Variants in DNAH10 observed in about 807,000 individuals in gnomAD.
DNAH10 encodes the protein dynein axonemal heavy chain 10, also known as axonemal beta dynein heavy chain 10.
Under a neutral mutation model 506.6 loss-of-function variants are expected in DNAH10, and 348 were observed. That is an observed-to-expected ratio of 0.69 (90% CI 0.63 to 0.75). DNAH10 has a LOEUF of 0.75. Among genes scored for constraint, DNAH10 ranks in the 30% least tolerant of loss-of-function variants. The pLI is 0.00. For missense variants in DNAH10, 5,179 were observed against 5,787.1 expected (o/e 0.89, Z 3.41); for synonymous variants, 2,059 against 2,198.6 (o/e 0.94, Z 1.78).
chr12:123,812,086 T>A (rs1463642853), intron 19 of DNAH10, among the ~76,000 whole-genome samples: 2 of 152,220 alleles, frequency 1.3e-5, no homozygotes, highest in African/African-American at 2.4e-5. Flanking sequence ...ATTTTACAGA[T>A]GGTGAGCATA....
intron 57 of DNAH10, among the ~76,000 whole-genome samples, chr12:123,906,302 C>T (rs1397652204): frequency 6.6e-6 from 1 of 151,584 alleles, no homozygotes; most frequent in Non-Finnish European, 1.5e-5. Context: ...AGTGCAGTGG[C>T]GCGATCTCGG....
chr12:123,823,332 G>A (rs182069460), intron 24 of DNAH10, among the ~76,000 whole-genome samples: 12 of 152,308 alleles, frequency 7.9e-5, no homozygotes, highest in East Asian at 7.7e-4. Context: ...AGATGAAGCC[G>A]TGAGAAGGGA....
chr12:123,867,382 C>A, intron 41 of DNAH10, 85 bp from the exon 42 acceptor site: 2 of 1,450,970 alleles, frequency 1.4e-6, no homozygotes, highest in South Asian at 1.4e-5. Context: ...GTTGCTCAAC[C>A]CTCTTTGGGC....
chr12:123,783,228 C>T lies in DNAH10; in HGVS notation c.963C>T (p.Ser321=). The change falls in exon 7 of 79, where the codon TCC becomes TCT. Residue 321 remains serine (S), a synonymous_variant. Coordinates refer to ENST00000673944, the MANE Select transcript of DNAH10 (RefSeq NM_001372106.1). Reference sequence around the variant, plus strand: ...TGATAAACTGGCTGAATCAGATATCCACAGCGGTTGAGGCCCAACTGAAGA... The same window carrying T: ...TGATAAACTGGCTGAATCAGATATCTACAGCGGTTGAGGCCCAACTGAAGA... ...QCVINWLNQI[S]TAVEAQLKKT... The T allele has an allele frequency of 6.2e-7, 1 of 1,614,182 alleles. No individual in the cohort carries two copies. Among genetic ancestry groups the T allele is most frequent in the Non-Finnish European group, 8.5e-7 (1 of 1,180,038 alleles).
chr12:123,781,040 A>G (rs779238706), intron 5 of DNAH10, 40 bp from the exon 6 acceptor site: 1 of 1,490,638 alleles, frequency 6.7e-7, no homozygotes, highest in Admixed American at 2.1e-5. Context: ...ATTATTGAAA[A>G]TGACTTCATA....
At chr12:123,908,238 C>T (rs1953899917) in intron 57 of DNAH10, 1 of 428,412 alleles carries the variant, frequency 2.3e-6, no homozygotes, top group Admixed American at 2.4e-5. Flanking sequence ...CTGTCTCCTC[C>T]CTGTCTCTCT....
At chr12:123,893,191 C>T (rs1393361065) in intron 52 of DNAH10, 42 bp from the exon 53 acceptor site, 3 of 1,593,540 alleles carry the variant, frequency 1.9e-6, no homozygotes, top group Non-Finnish European at 2.6e-6. Context: ...CGGTCATGAC[C>T]CTGGGACTCA....
rs1450335067 is a variant in DNAH10 at position 123,835,399 on chromosome 12, T to G, written c.4780-7T>G. On this transcript the variant is annotated splice_region_variant and splice_polypyrimidine_tract_variant and intron_variant, in intron 27 of 78. Coordinates refer to ENST00000673944, the MANE Select transcript of DNAH10 (RefSeq NM_001372106.1). ...CCTGCTGACACTGACCTTTTGTACA[T>G]TTACAGATTTGGATGTTGGTTCAGA... 6.2e-7 allele frequency: 1 copy of G among 1,612,186 alleles called. No homozygotes were observed. Among genetic ancestry groups the G allele is most frequent in the Non-Finnish European group, 8.5e-7 (1 of 1,179,114 alleles).
chr12:123,866,896 C>T (rs542100179), intron 41 of DNAH10, among the ~76,000 whole-genome samples: 9 of 152,320 alleles, frequency 5.9e-5, no homozygotes, highest in South Asian at 2.1e-4. Context: ...TAGGACGCTA[C>T]GACCACCTTC....
chr12:123,783,331 G>A (rs770053982), intron 7 of DNAH10, 67 bp downstream of exon 7: 15 of 1,574,420 alleles, frequency 9.5e-6, no homozygotes, highest in South Asian at 4.5e-5. Context: ...GAAAGAGCCC[G>A]GAGTCTGGGG....
intron 77 of DNAH10, 195 bp from the exon 78 acceptor site, chr12:123,934,426 C>G (rs1348466464): frequency 2.7e-6 from 2 of 727,742 alleles, no homozygotes; most frequent in Non-Finnish European, 4.8e-6. Context: ...CACAGGGTCT[C>G]CTGTCTGGGC....
rs1425144165 is a variant in DNAH10, at chr12:123,851,084, G to A, written c.6291+8G>A. 4.4e-6 allele frequency: 7 copies of A among 1,590,630 alleles called. No homozygotes were observed. The highest frequency in any genetic ancestry group is 3.4e-5 in the South Asian group (3 of 88,590). On this transcript the variant is annotated splice_region_variant and intron_variant, in intron 35 of 78. Transcript: ENST00000673944. Reference sequence around the variant, plus strand: ...GGCTTCCTGGAGGCCAAGGTGGGGGGCCTTGGCAGCGCCAGGTCGTGCAGT... The same window carrying A: ...GGCTTCCTGGAGGCCAAGGTGGGGGACCTTGGCAGCGCCAGGTCGTGCAGT...
chr12:123,892,745 C>T (rs77361735), intron 52 of DNAH10, among the ~76,000 whole-genome samples: 7,578 of 152,314 alleles, frequency 0.05, 197 homozygotes, highest in Non-Finnish European at 0.062. Flanking sequence ...TTCTCGACTG[C>T]GTGCCGTTGA....
Position 123,919,061 on chromosome 12 carries a change from TTTTCTTTC to T in DNAH10, c.11506+124_11506+131del, listed in dbSNP as rs370938103. The T allele has an allele frequency of 1.5e-6, 2 of 1,330,960 alleles. No individual in the cohort carries two copies. The highest frequency in any genetic ancestry group is 1.6e-5 in the South Asian group (1 of 60,718). 82.4% of individuals were successfully genotyped at this position (1,330,960 alleles called of 1,614,324 possible). A position where few individuals can be genotyped will look rare whatever the true frequency, so the allele number is the denominator to read the frequency against. On this transcript the variant is annotated intron_variant, in intron 65 of 78. Transcript: ENST00000673944. The surrounding 1 kb of genome is among the most constrained non-coding windows in gnomAD (Gnocchi z 4.9). Reference sequence around the variant, plus strand: ...AAGTTACCAAATAGCATTTTTTCTTTTTTCTTTCTTTCTTTCTTTTTCTTTTTTTTTTG... The same window carrying T: ...AAGTTACCAAATAGCATTTTTTCTTTTTTCTTTCTTTTTCTTTTTTTTTTG...
At chr12:123,880,573 G>A (rs369735979) in intron 50 of DNAH10, among the ~76,000 whole-genome samples, 10 of 151,818 alleles carry the variant, frequency 6.6e-5, no homozygotes, top group Non-Finnish European at 1.3e-4. Flanking sequence ...TCGAACTCCT[G>A]GGCTCAAGTG....
Position 123,928,517 on chromosome 12 carries a change from A to G in DNAH10, c.12236A>G (p.Asp4079Gly). 6.2e-7 allele frequency: 1 copy of G among 1,611,392 alleles called. No individual in the cohort carries two copies. ...GAGAGGATCACCAAGCCCCACCCAG[A>G]CTTCCGCCTGTGGCTCACCACGGAC... is the stretch of plus-strand genomic sequence containing the variant. Reference protein sequence around the residue: ...SLERITKPHPDFRLWLTTDPT... With the variant: ...SLERITKPHPGFRLWLTTDPT... Residue 4079 changes from aspartate to glycine, a missense_variant, in exon 70 of 79, where the codon GAC becomes GGC. Coordinates refer to ENST00000673944, the MANE Select transcript of DNAH10 (RefSeq NM_001372106.1). This position sits in a 1 kb window ranked among gnomAD's most constrained non-coding sequence, Gnocchi z 4.9.
intron 35 of DNAH10, among the ~76,000 whole-genome samples, chr12:123,852,916 C>G (rs1437591442): frequency 6.6e-6 from 1 of 152,078 alleles, no homozygotes; most frequent in African/African-American, 2.4e-5. Flanking sequence ...AATAAAGAAG[C>G]AATGTATTTC....
At chr12:123,857,949 G>A (rs1035105706) in intron 37 of DNAH10, among the ~76,000 whole-genome samples, 14 of 152,266 alleles carry the variant, frequency 9.2e-5, no homozygotes, top group African/African-American at 3.1e-4. Context: ...CCTGTAAGTA[G>A]AATCATGTAA....
Position 123,813,279 on chromosome 12 carries a change from T to G in DNAH10, c.3260T>G (p.Ile1087Ser). The change falls in exon 20 of 79, where the codon ATT (isoleucine) becomes AGT (serine). Residue 1087 changes from isoleucine (I) to serine (S), a missense_variant. Coordinates refer to ENST00000673944, the MANE Select transcript of DNAH10 (RefSeq NM_001372106.1). ...YNDISLNPQI[I>S]EQAVMIPQNV... The stretch of plus-strand genomic sequence containing the variant: ...GATATCTCTCTGAACCCTCAGATAA[T>G]TGAACAAGCTGTTATGATCCCCCAA... 1 of 1,614,194 alleles carries G rather than the reference T, an allele frequency of 6.2e-7. No individual in the cohort carries two copies. The highest frequency in any genetic ancestry group is 8.5e-7 in the Non-Finnish European group (1 of 1,180,036).
Sources: allele counts gnomAD v4.1 joint callset (sites outside exome capture counted in the v4.1 genomes callset), GRCh38; gene constraint gnomAD v4.1.1; non-coding constraint Gnocchi (gnomAD v3.1); transcripts MANE v1.5; gene names NCBI Gene and HGNC (gene_info 2026-07-23, HGNC 2026-07-21).